GOLIM4: variants seen among roughly 807,000 people sequenced by gnomAD.
GOLIM4 encodes 130 kDa golgi-localized phosphoprotein.
In GOLIM4, 71 loss-of-function variants were observed where a neutral mutation model predicts 107.4. The ratio of observed to expected loss-of-function variants is 0.66; its 90% CI spans 0.55 to 0.81. The LOEUF is 0.81. Among genes scored for constraint, GOLIM4 ranks in the 30% least tolerant of loss-of-function variants. The pLI, the probability that GOLIM4 is intolerant of heterozygous loss-of-function variation, is 0.00. For synonymous variants in GOLIM4, 327 were observed against 294.8 expected (o/e 1.11, Z -1.12); for missense variants, 830 against 826.1 (o/e 1.00, Z -0.06).
chr3:168,084,613 G>A (rs1041642888), intron 1 of GOLIM4, among the ~76,000 whole-genome samples: 1 of 152,180 alleles, frequency 6.6e-6, no homozygotes, highest in African/African-American at 2.4e-5. Context: ...TCCCACAGAA[G>A]TTGTGAGATA....
chr3:168,069,399 C>T (rs1454188518), intron 1 of GOLIM4, among the ~76,000 whole-genome samples: 1 of 152,136 alleles, frequency 6.6e-6, no homozygotes, highest in Non-Finnish European at 1.5e-5. Context: ...CAATGATGAA[C>T]ATTTTTACCA....
At chr3:168,067,523 A>C (rs549304015) in intron 1 of GOLIM4, among the ~76,000 whole-genome samples, 39 of 151,288 alleles carry the variant, frequency 2.6e-4, no homozygotes, top group African/African-American at 8.8e-4. Flanking sequence ...TAAAAAAAAA[A>C]AAACACACAC....
chr3:168,025,878 C>T (rs936424380), intron 12 of GOLIM4, among the ~76,000 whole-genome samples: 1 of 152,198 alleles, frequency 6.6e-6, no homozygotes, highest in Non-Finnish European at 1.5e-5. Context: ...TCCCAAAGCA[C>T]CTTCCAAATA....
At chr3:168,020,811 A>C (rs1282545819) in intron 14 of GOLIM4, among the ~76,000 whole-genome samples, 4 of 152,242 alleles carry the variant, frequency 2.6e-5, no homozygotes, top group Non-Finnish European at 4.4e-5. Flanking sequence ...ACTCATCTGA[A>C]AGGCAGTAAT....
intron 1 of GOLIM4, among the ~76,000 whole-genome samples, chr3:168,059,001 G>A (rs976895512): frequency 1.3e-5 from 2 of 152,016 alleles, no homozygotes; most frequent in Non-Finnish European, 2.9e-5. Flanking sequence ...AGAGAAGAGG[G>A]GGTTGTTTCT....
chr3:168,027,908 AG>A, intron 11 of GOLIM4, 71 bp from the exon 12 acceptor site: 1 of 979,272 alleles, frequency 1.0e-6, no homozygotes, highest in East Asian at 2.4e-5. Flanking sequence ...CTCAAAGAAA[AG>A]CCACCAGTGG....
chr3:168,047,429 T>C (rs565812570), intron 2 of GOLIM4, among the ~76,000 whole-genome samples: 2 of 152,192 alleles, frequency 1.3e-5, no homozygotes, highest in Non-Finnish European at 2.9e-5. Context: ...AAAACCTTAT[T>C]ATCCACTAGA....
chr3:168,077,974 T>C (rs1211771890), intron 1 of GOLIM4, among the ~76,000 whole-genome samples: 1 of 151,204 alleles, frequency 6.6e-6, no homozygotes, highest in Non-Finnish European at 1.5e-5. Flanking sequence ...TCTAGATATA[T>C]TTATTTATTT....
At chr3:168,058,234 T>G (rs1720083268) in intron 1 of GOLIM4, among the ~76,000 whole-genome samples, 1 of 152,214 alleles carries the variant, frequency 6.6e-6, no homozygotes, top group Non-Finnish European at 1.5e-5. Context: ...GTAAAGTAGC[T>G]TATATGGAAA....
intron 12 of GOLIM4, among the ~76,000 whole-genome samples, chr3:168,027,144 A>G (rs777598879): frequency 3.3e-5 from 5 of 152,204 alleles, no homozygotes; most frequent in African/African-American, 7.2e-5. Flanking sequence ...ACAAACAACA[A>G]TGCTGGTTAT....
chr3:168,074,901 C>G (rs1291840702), intron 1 of GOLIM4, among the ~76,000 whole-genome samples: 1 of 151,798 alleles, frequency 6.6e-6, no homozygotes, highest in East Asian at 1.9e-4. Context: ...TGGAATAGTC[C>G]CAGACAGAGA....
At chr3:168,026,892 T>A (rs964196030) in intron 12 of GOLIM4, among the ~76,000 whole-genome samples, 1 of 152,252 alleles carries the variant, frequency 6.6e-6, no homozygotes, top group Non-Finnish European at 1.5e-5. Flanking sequence ...TCTTGATGAT[T>A]AGCAAGGACA....
chr3:168,029,154 G>C lies in GOLIM4; in HGVS notation c.1513+69C>G, dbSNP rs1718167514. The stretch of plus-strand genomic sequence containing the variant: ...AGCTCATTGATGTTATATAATATTG[G>C]CTCACTGATAATATACAATGTTATC... On this transcript the variant is annotated intron_variant, in intron 11 of 15. Transcript: ENST00000470487. The C allele has an allele frequency of 5.1e-6, 5 of 986,134 alleles. No individual in the cohort carries two copies. In the South Asian group the frequency reaches 6.8e-5, roughly 14 times the overall value. The allele number at this position is 986,134 out of a possible 1,614,324, so 61.1% of individuals were successfully genotyped here.
intron 1 of GOLIM4, among the ~76,000 whole-genome samples, chr3:168,081,475 T>G (rs1240483336): frequency 2.6e-5 from 4 of 152,134 alleles, no homozygotes; most frequent in Admixed American, 1.3e-4. Flanking sequence ...TAAAAAAAGG[T>G]AGAGTGCCCT....
chr3:168,090,393 A>C (rs1721849952), intron 1 of GOLIM4, among the ~76,000 whole-genome samples: 1 of 152,226 alleles, frequency 6.6e-6, no homozygotes, highest in African/African-American at 2.4e-5. Flanking sequence ...GAAGCTAGAC[A>C]AGAAGACAAC....
intron 1 of GOLIM4, among the ~76,000 whole-genome samples, chr3:168,058,856 T>C (rs966298074): frequency 3.9e-5 from 6 of 152,210 alleles, no homozygotes; most frequent in African/African-American, 1.4e-4. Flanking sequence ...ATAAAAGTTA[T>C]TCTAAAATTA....
chr3:168,028,961 T>A (rs1043131013), intron 11 of GOLIM4, among the ~76,000 whole-genome samples: 3 of 152,192 alleles, frequency 2.0e-5, no homozygotes, highest in Admixed American at 2.0e-4. Flanking sequence ...TATAATAATT[T>A]GTCAGAAATA....
chr3:168,079,787 T>C (rs771112879), intron 1 of GOLIM4, among the ~76,000 whole-genome samples: 5 of 152,120 alleles, frequency 3.3e-5, no homozygotes, highest in Non-Finnish European at 5.9e-5. Context: ...GTTTTAAAGC[T>C]ACAATAAAAT....
chr3:168,047,586 T>TTCCTA (rs1719384159), intron 2 of GOLIM4, among the ~76,000 whole-genome samples: 1 of 152,216 alleles, frequency 6.6e-6, no homozygotes, highest in African/African-American at 2.4e-5. Flanking sequence ...TCCTCTGCTA[T>TTCCTA]CCTCTTCCTT....
Sources: allele counts gnomAD v4.1 joint callset (sites outside exome capture counted in the v4.1 genomes callset), GRCh38; gene constraint gnomAD v4.1.1; transcripts MANE v1.5; gene names NCBI Gene and HGNC (gene_info 2026-07-23, HGNC 2026-07-21).